Variants in ADGRA1 observed in about 807,000 individuals in gnomAD.
ADGRA1 encodes the protein G-protein coupled receptor 123.
In ADGRA1, 12 loss-of-function variants were observed where a neutral mutation model predicts 21.3. That is an observed-to-expected ratio of 0.56 (90% CI 0.36 to 0.91). ADGRA1 has a LOEUF of 0.91. Ranked by LOEUF, ADGRA1 falls within the 40% of genes least tolerant of loss-of-function variation. The pLI is 0.01. For synonymous variants in ADGRA1, 385 were observed against 368.8 expected (o/e 1.04, Z -0.50); for missense variants, 790 against 805.6 (o/e 0.98, Z 0.23).
At chr10:133,105,038 C>A (rs1348251196) in intron 5 of ADGRA1, among the ~76,000 whole-genome samples, 2 of 152,376 alleles carry the variant, frequency 1.3e-5, no homozygotes, top group East Asian at 3.9e-4. Flanking sequence ...ATCAGAGAAG[C>A]CCCTCCCAGC....
At chr10:133,102,181 C>T (rs1182536149) in intron 4 of ADGRA1, 12 of 451,682 alleles carry the variant, frequency 2.7e-5, no homozygotes, top group African/African-American at 1.0e-4. Flanking sequence ...GGGCTCATCC[C>T]ACCCACAGTA....
intron 2 of ADGRA1, among the ~76,000 whole-genome samples, chr10:133,092,255 C>T (rs1218565224): frequency 1.3e-5 from 2 of 152,174 alleles, no homozygotes; most frequent in Non-Finnish European, 2.9e-5. Flanking sequence ...AGTCTAATAT[C>T]TAAATTACTA....
At position 133,130,403 on chromosome 10, in the gene ADGRA1, A is replaced by C. The variant is rs1165248052; in HGVS notation, c.*892A>C. On this transcript the variant is annotated 3_prime_UTR_variant, in exon 7 of 7. Transcript: ENST00000392607. The stretch of plus-strand genomic sequence containing the variant: ...ACTTAGCAACACGAAGGTTTATTCC[A>C]AAAAGAAAAGGGGCTGACAGACGGG... 6.6e-6 allele frequency: 1 copy of C among 152,230 alleles called. No homozygotes were observed. Among genetic ancestry groups the C allele is most frequent in the African/African-American group, 2.4e-5 (1 of 41,466 alleles). 9.4% of individuals were successfully genotyped at this position (152,230 alleles called of 1,614,324 possible). A position where few individuals can be genotyped will look rare whatever the true frequency, so the allele number is the denominator to read the frequency against.
In ADGRA1 at chr10:133,104,062, G is replaced by A. The variant is rs115094542; in HGVS notation, c.401+1220G>A. On this transcript the variant is annotated intron_variant, in intron 5 of 6. Coordinates refer to ENST00000392607, the MANE Select transcript of ADGRA1 (RefSeq NM_001083909.3). ...CTGGCGCACGGACACCTGCTTCCTC[G>A]GAAGGGCTGTCCGGCACTGTCCCGT... 1.9e-3 allele frequency among the ~76,000 whole-genome samples: 287 copies of A among 152,360 alleles called. 3 individuals carry two copies. Among genetic ancestry groups the A allele is most frequent in the African/African-American group, 6.7e-3 (280 of 41,598 alleles).
chr10:133,112,710 G>GGGTCTGCGGGCCGCGTCGGTTATTTGA (rs1852073303), intron 5 of ADGRA1, among the ~76,000 whole-genome samples: 3 of 74,406 alleles, frequency 4.0e-5, no homozygotes, highest in African/African-American at 5.0e-5. Flanking sequence ...CAGTTATTTG[G>GGGTCTGCGGGCCGCGTCGGTTATTTGA]GGTCTGCGGG....
chr10:133,129,585 A>G lies in ADGRA1; in HGVS notation c.*74A>G. On this transcript the variant is annotated 3_prime_UTR_variant, in exon 7 of 7. Transcript: ENST00000392607. The stretch of plus-strand genomic sequence containing the variant: ...GGGGGCCCATCTGCCACATGAGGTC[A>G]CTGGGGGTACCGAAGTGACCCCGCC... The G allele has an allele frequency of 7.5e-7, 1 of 1,324,596 alleles. No homozygotes were observed. The highest frequency in any genetic ancestry group is 2.5e-5 in the East Asian group (1 of 40,262). The allele number at this position is 1,324,596 out of a possible 1,614,324, so 82.1% of individuals were successfully genotyped here.
At chr10:133,107,243 T>C (rs1267288378) in intron 5 of ADGRA1, among the ~76,000 whole-genome samples, 2 of 152,262 alleles carry the variant, frequency 1.3e-5, no homozygotes, top group South Asian at 2.1e-4. Context: ...GTTTTGTTAA[T>C]TCTTTAGTAT....
At chr10:133,126,100 C>T (rs181940828) in intron 5 of ADGRA1, among the ~76,000 whole-genome samples, 85 of 152,356 alleles carry the variant, frequency 5.6e-4, no homozygotes, top group African/African-American at 2.0e-3. Context: ...AAGTCCGCAG[C>T]ACGGACCCTC....
chr10:133,093,102 C>G, intron 2 of ADGRA1: 1 of 1,596,930 alleles, frequency 6.3e-7, no homozygotes, highest in South Asian at 1.1e-5. Context: ...GACCTAGCCC[C>G]GGACACCTCA....
rs2135914974 is a variant in ADGRA1, at chr10:133,129,621, CGTTCACACCCCTGCCCCTTCCTTGTG to C, written c.*111_*136del. On this transcript the variant is annotated 3_prime_UTR_variant, in exon 7 of 7. Transcript: ENST00000392607. ...CGAAGTGACCCCGCCTTTCAGAAGC[CGTTCACACCCCTGCCCCTTCCTTGTG>C]ATCACACCCCTGCCCCTTCCTTGTG... 1.3e-6 allele frequency: 1 copy of C among 749,206 alleles called. No homozygotes were observed. The allele number at this position is 749,206 out of a possible 1,614,324, so 46.4% of individuals were successfully genotyped here.
intron 5 of ADGRA1, among the ~76,000 whole-genome samples, chr10:133,113,282 T>C (rs1591181473): frequency 6.8e-6 from 1 of 146,080 alleles, no homozygotes; most frequent in African/African-American, 2.5e-5. Flanking sequence ...TGGGCCGTGT[T>C]TCGGTTTGGA....
intron 5 of ADGRA1, among the ~76,000 whole-genome samples, chr10:133,110,748 AG>A (rs1851973679): frequency 6.6e-6 from 1 of 152,236 alleles, no homozygotes; most frequent in Non-Finnish European, 1.5e-5. Flanking sequence ...CTGAACAATT[AG>A]CCTGCTTCCT....
chr10:133,129,375 G>A lies in ADGRA1; in HGVS notation c.1547G>A (p.Arg516Lys). Residue 516 changes from arginine (R) to lysine (K), a missense_variant, in exon 7 of 7, where the codon AGG becomes AAG. By Grantham distance (26) the Arg-to-Lys change is conservative. Transcript: ENST00000392607. ...CCCGGCCACTTGGAGATGCTGCGGA[G>A]GACACAGTCCCTGCCCTTTGGTGGC... Reference protein sequence around the residue: ...LGPGHLEMLRRTQSLPFGGPS... With the variant: ...LGPGHLEMLRKTQSLPFGGPS... The A allele has an allele frequency of 6.2e-7, 1 of 1,603,036 alleles. No homozygotes were observed.
At chr10:133,107,488 T>C (rs746117566) in intron 5 of ADGRA1, among the ~76,000 whole-genome samples, 2 of 152,216 alleles carry the variant, frequency 1.3e-5, no homozygotes, top group African/African-American at 4.8e-5. Context: ...TTCTGTTGTC[T>C]ATTTTATTTG....
chr10:133,093,179 A>G, intron 2 of ADGRA1: 1 of 1,595,246 alleles, frequency 6.3e-7, no homozygotes, highest in Non-Finnish European at 8.5e-7. Context: ...CCTCACCCGC[A>G]GGGAGGAAGA....
At position 133,121,271 on chromosome 10, in the gene ADGRA1, G is replaced by A. The variant is rs189622105; in HGVS notation, c.402-5962G>A. Among the ~76,000 whole-genome samples the A allele has an allele frequency of 1.7e-3, 253 of 152,298 alleles. 1 individual carries two copies. The highest frequency in any genetic ancestry group is 5.9e-3 in the African/African-American group (247 of 41,572). On this transcript the variant is annotated intron_variant, in intron 5 of 6. Coordinates refer to ENST00000392607, the MANE Select transcript of ADGRA1 (RefSeq NM_001083909.3). ...TGGCGCTGATGGACTTGCTCAACCCGGGGTTCCCACAGCCTCCACCTGTGA... is the reference window on the plus strand; with the variant it reads ...TGGCGCTGATGGACTTGCTCAACCCAGGGTTCCCACAGCCTCCACCTGTGA...
At chr10:133,090,240 C>T (rs1851575601) in intron 2 of ADGRA1, among the ~76,000 whole-genome samples, 1 of 152,320 alleles carries the variant, frequency 6.6e-6, no homozygotes, top group African/African-American at 2.4e-5. Context: ...AAGGGCACCA[C>T]CCCTCGCAGG....
intron 5 of ADGRA1, among the ~76,000 whole-genome samples, chr10:133,119,565 G>T (rs1852219271): frequency 6.6e-6 from 1 of 152,224 alleles, no homozygotes; most frequent in Non-Finnish European, 1.5e-5. Context: ...CTCAGTGTAT[G>T]AAATAGTCTC....
intron 2 of ADGRA1, among the ~76,000 whole-genome samples, chr10:133,091,894 G>C (rs571498301): frequency 1.3e-5 from 2 of 152,352 alleles, no homozygotes; most frequent in Non-Finnish European, 2.9e-5. Flanking sequence ...CCAGCCTCCT[G>C]GCGGTGCCCC....
Sources: gnomAD v4.1 joint callset for allele counts (sites outside exome capture counted in the v4.1 genomes callset) on GRCh38, gnomAD v4.1.1 for gene constraint, MANE v1.5 for transcripts, NCBI Gene and HGNC (gene_info 2026-07-23, HGNC 2026-07-21) for gene names.